CCNI: variants seen among roughly 807,000 people sequenced by gnomAD.
CCNI encodes the protein cyclin-I.
CCNI carries 14 observed loss-of-function variants against 34.1 expected under a neutral mutation model. That is an observed-to-expected ratio of 0.41 (90% confidence interval 0.27 to 0.64). CCNI has a LOEUF of 0.64. CCNI is among the 30% of genes least tolerant of loss of function. The pLI is 0.31. For missense variants in CCNI, 385 were observed against 440.5 expected (o/e 0.87, Z 1.13); for synonymous variants, 154 against 158.4 (o/e 0.97, Z 0.21).
At chr4:77,049,218 C>T (rs1560767395) in intron 6 of CCNI, among the ~76,000 whole-genome samples, 1 of 151,872 alleles carries the variant, frequency 6.6e-6, no homozygotes, top group Non-Finnish European at 1.5e-5. Flanking sequence ...AGACTTAGCA[C>T]TAAGATGAAA....
intron 2 of CCNI, among the ~76,000 whole-genome samples, chr4:77,058,964 G>A (rs542701207): frequency 1.4e-5 from 2 of 139,738 alleles, no homozygotes; most frequent in East Asian, 4.7e-4. Flanking sequence ...TAGTAATTTG[G>A]AGTTAAGTTA....
At position 77,048,380 on chromosome 4, in the gene CCNI, C is replaced by CT. The variant is rs2110002141; in HGVS notation, c.972dup (p.Val325SerfsTer8). On this transcript the variant is annotated frameshift_variant, in exon 7 of 7. Transcript: ENST00000237654. LOFTEE classifies it high-confidence loss of function. ...AAGTCATCCACTTCCATTTCCTCTA[C>CT]TTTGCGTTTAGTAGAGGTCTGCTTG... is the stretch of plus-strand genomic sequence containing the variant. 6.2e-7 allele frequency: 1 copy of CT among 1,613,956 alleles called. No homozygotes were observed. Among genetic ancestry groups the CT allele is most frequent in the African/African-American group, 1.3e-5 (1 of 75,008 alleles).
rs977360762 is a variant in CCNI at position 77,048,725 on chromosome 4, T to C, written c.691-63A>G. On this transcript the variant is annotated intron_variant, in intron 6 of 6. Transcript: ENST00000237654. Reference sequence around the variant, plus strand: ...CATTAATTAACATAGGCTGCTCTGTTATCTCTGGTGGCCATTTTTCCTCCC... The same window carrying C: ...CATTAATTAACATAGGCTGCTCTGTCATCTCTGGTGGCCATTTTTCCTCCC... 28 of 1,293,656 alleles carry C rather than the reference T, an allele frequency of 2.2e-5. No individual in the cohort carries two copies. In the African/African-American group the frequency reaches 3.4e-4, roughly 16 times the overall value. 80.1% of individuals were successfully genotyped at this position (1,293,656 alleles called of 1,614,324 possible).
At chr4:77,050,775 T>C (rs1727770185) in intron 6 of CCNI, among the ~76,000 whole-genome samples, 1 of 151,154 alleles carries the variant, frequency 6.6e-6, no homozygotes, top group Non-Finnish European at 1.5e-5. Flanking sequence ...AGCTGAAACA[T>C]GCTAAAAACA....
Position 77,075,497 on chromosome 4 carries a change from T to C in CCNI, c.-69A>G, listed in dbSNP as rs1729860855. ...CTTCTCCTCCTCTTCCTCCTCCTCC[T>C]CCTCCCCGGCAGAGCTGTAGGCCTC... On this transcript the variant is annotated 5_prime_UTR_variant, in exon 1 of 7. Coordinates refer to ENST00000237654, the MANE Select transcript of CCNI (RefSeq NM_006835.3). 6.3e-6 allele frequency: 6 copies of C among 950,630 alleles called. No individual in the cohort carries two copies. The South Asian group carries it at 2.9e-4, about 46-fold the overall frequency. 58.9% of individuals were successfully genotyped at this position (950,630 alleles called of 1,614,324 possible).
rs1449821476 is a variant in CCNI, at chr4:77,075,832, C to T, written c.-404G>A. On this transcript the variant is annotated 5_prime_UTR_variant, in exon 1 of 7. Transcript: ENST00000237654. The stretch of plus-strand genomic sequence containing the variant: ...GGCGGGGGGTGAGACCGGCTCTGCC[C>T]CTGCCCGGGGAAAGCGCCTCCGAGG... 1 of 150,832 alleles carries T rather than the reference C, an allele frequency of 6.6e-6. No individual in the cohort carries two copies. Among genetic ancestry groups the T allele is most frequent in the Non-Finnish European group, 1.5e-5 (1 of 67,712 alleles). 9.3% of individuals were successfully genotyped at this position (150,832 alleles called of 1,614,324 possible).
chr4:77,053,286 A>G (rs192426421), intron 6 of CCNI, among the ~76,000 whole-genome samples: 1 of 152,308 alleles, frequency 6.6e-6, no homozygotes, highest in East Asian at 1.9e-4. Context: ...GGTATGAAAA[A>G]AAGCATTGGT....
At chr4:77,073,731 T>G (rs750773488) in intron 1 of CCNI, among the ~76,000 whole-genome samples, 12 of 152,254 alleles carry the variant, frequency 7.9e-5, no homozygotes, top group Non-Finnish European at 1.5e-4. Flanking sequence ...TGTGCAGTTG[T>G]GCCCTGCCTT....
chr4:77,048,573 A>G lies in CCNI; in HGVS notation c.780T>C (p.Tyr260=). Residue 260 remains tyrosine (Y), a synonymous_variant, in exon 7 of 7, where the codon TAT becomes TAC. Coordinates refer to ENST00000237654, the MANE Select transcript of CCNI (RefSeq NM_006835.3). Reference sequence around the variant, plus strand: ...GGGTGTGCTTGAGGGGACGGTAGACATAAACGGAATTCAGAGGCAGGGAAG... The same window carrying G: ...GGGTGTGCTTGAGGGGACGGTAGACGTAAACGGAATTCAGAGGCAGGGAAG... The part of the protein sequence containing the change: ...LQSSLPLNSV[Y]VYRPLKHTLV... 2 of 1,611,914 alleles carry G rather than the reference A, an allele frequency of 1.2e-6. No individual in the cohort carries two copies. The highest frequency in any genetic ancestry group is 1.7e-6 in the Non-Finnish European group (2 of 1,178,472).
intron 6 of CCNI, among the ~76,000 whole-genome samples, chr4:77,054,453 G>A (rs1008431932): frequency 3.9e-5 from 6 of 152,156 alleles, no homozygotes; most frequent in Non-Finnish European, 5.9e-5. Flanking sequence ...ATCTAAACTC[G>A]GTAAGTTCTA....
In CCNI at chr4:77,048,114, A is replaced by G; in HGVS notation, c.*105T>C. On this transcript the variant is annotated 3_prime_UTR_variant, in exon 7 of 7. Coordinates refer to ENST00000237654, the MANE Select transcript of CCNI (RefSeq NM_006835.3). The stretch of plus-strand genomic sequence containing the variant: ...TTTTTTTTCTGGCTCACTCCAAATC[A>G]GCCTGTTAAGGTATATTTCCTTCTA... 1.3e-6 allele frequency: 1 copy of G among 750,794 alleles called. No individual in the cohort carries two copies. The highest frequency in any genetic ancestry group is 1.9e-5 in the South Asian group (1 of 51,572). The allele number at this position is 750,794 out of a possible 1,614,324, so 46.5% of individuals were successfully genotyped here.
chr4:77,066,489 AAAT>A, intron 1 of CCNI, 84 bp from the exon 2 acceptor site: 1 of 968,886 alleles, frequency 1.0e-6, no homozygotes, highest in South Asian at 1.5e-5. Context: ...TCATAAAACA[AAAT>A]AAGAATGCTA....
chr4:77,066,122 T>TG, intron 2 of CCNI, 127 bp downstream of exon 2: 1 of 715,672 alleles, frequency 1.4e-6, no homozygotes, highest in East Asian at 2.9e-5. Flanking sequence ...ACAGGGAGAG[T>TG]CTCTCAAATA....
chr4:77,074,465 T>C (rs1729740692), intron 1 of CCNI, among the ~76,000 whole-genome samples: 1 of 152,180 alleles, frequency 6.6e-6, no homozygotes, highest in Non-Finnish European at 1.5e-5. Flanking sequence ...AACAAACTCA[T>C]TTTCAGGACA....
At chr4:77,063,738 G>C (rs1160003197) in intron 2 of CCNI, among the ~76,000 whole-genome samples, 1 of 150,550 alleles carries the variant, frequency 6.6e-6, no homozygotes, top group African/African-American at 2.4e-5. Context: ...GGGTTACCCT[G>C]GCAAGCAACT....
intron 1 of CCNI, among the ~76,000 whole-genome samples, chr4:77,068,403 A>G (rs1269923338): frequency 1.3e-5 from 2 of 152,216 alleles, no homozygotes; most frequent in Non-Finnish European, 2.9e-5. Flanking sequence ...GGAAGAGGGT[A>G]AAATAAAAGC....
intron 6 of CCNI, among the ~76,000 whole-genome samples, chr4:77,048,978 T>G (rs1287982662): frequency 4.1e-5 from 6 of 146,108 alleles, no homozygotes; most frequent in South Asian, 2.2e-4. Context: ...TTTTTTTTTT[T>G]TTTTTTTTTT....
At chr4:77,051,069 A>G (rs975973033) in intron 6 of CCNI, among the ~76,000 whole-genome samples, 4 of 152,196 alleles carry the variant, frequency 2.6e-5, no homozygotes, top group African/African-American at 9.6e-5. Context: ...TAGATTACTT[A>G]TAATACCTAA....
chr4:77,067,637 C>T (rs931917254), intron 1 of CCNI, among the ~76,000 whole-genome samples: 16 of 150,898 alleles, frequency 1.1e-4, no homozygotes, highest in Admixed American at 2.0e-4. Context: ...ACTACAGATG[C>T]ACATCACCAA....
Sources: gnomAD v4.1 joint callset for allele counts (sites outside exome capture counted in the v4.1 genomes callset) on GRCh38, gnomAD v4.1.1 for gene constraint, MANE v1.5 for transcripts, NCBI Gene and HGNC (gene_info 2026-07-23, HGNC 2026-07-21) for gene names.